SLC24A3: variants seen among roughly 807,000 people sequenced by gnomAD.
SLC24A3 encodes the protein solute carrier family 24 member 3, also known as sodium/potassium/calcium exchanger 3.
A neutral mutation model predicts 75.8 loss-of-function variants in SLC24A3; 28 were observed. The ratio of observed to expected loss-of-function variants is 0.37; its 90% CI spans 0.27 to 0.51. The LOEUF is 0.51. SLC24A3 is among the 20% of genes least tolerant of loss of function. The pLI, the probability that SLC24A3 is intolerant of heterozygous loss-of-function variation, is 0.94. For synonymous variants in SLC24A3, 372 were observed against 334.1 expected, an observed-to-expected ratio of 1.11 and a Z score of -1.24; for missense variants, 663 against 847.8, an observed-to-expected ratio of 0.78 and a Z score of 2.71.
intron 3 of SLC24A3, among the ~76,000 whole-genome samples, chr20:19,550,164 T>G (rs1008278535): frequency 6.6e-6 from 1 of 152,196 alleles, no homozygotes; most frequent in Non-Finnish European, 1.5e-5. Context: ...TAAAAAATGT[T>G]CTGAAACTTA....
intron 2 of SLC24A3, among the ~76,000 whole-genome samples, chr20:19,487,860 A>C (rs894524233): frequency 1.3e-5 from 2 of 152,238 alleles, no homozygotes; most frequent in Admixed American, 1.3e-4. Context: ...TCTTAAAATG[A>C]GGCTTCTTTA....
At chr20:19,234,994 A>C (rs1982122218) in intron 1 of SLC24A3, among the ~76,000 whole-genome samples, 1 of 151,930 alleles carries the variant, frequency 6.6e-6, no homozygotes, top group Admixed American at 6.6e-5. Flanking sequence ...TGCATTGTAA[A>C]CTCACACACA....
At chr20:19,267,447 G>C (rs139539842) in intron 1 of SLC24A3, among the ~76,000 whole-genome samples, 175 of 152,208 alleles carry the variant, frequency 1.1e-3, no homozygotes, top group African/African-American at 4.1e-3. Context: ...GACTTCAGTA[G>C]ATTAATCTTG....
intron 2 of SLC24A3, among the ~76,000 whole-genome samples, chr20:19,335,938 T>C (rs1179131647): frequency 6.6e-6 from 1 of 152,220 alleles, no homozygotes; most frequent in Non-Finnish European, 1.5e-5. Flanking sequence ...CACAGTGCCC[T>C]TTCATGTGGA....
intron 6 of SLC24A3, among the ~76,000 whole-genome samples, chr20:19,599,998 G>A (rs963304907): frequency 6.6e-6 from 1 of 152,152 alleles, no homozygotes; most frequent in Non-Finnish European, 1.5e-5. Context: ...TGTTGGCGTC[G>A]AAGTCCTTGC....
intron 1 of SLC24A3, among the ~76,000 whole-genome samples, chr20:19,274,791 C>T (rs989812698): frequency 1.3e-5 from 2 of 152,130 alleles, no homozygotes; most frequent in African/African-American, 2.4e-5. Context: ...AGAAGGCGTC[C>T]GCTGGCTGCG....
At chr20:19,279,304 C>G (rs574547290) in intron 1 of SLC24A3, among the ~76,000 whole-genome samples, 2 of 152,318 alleles carry the variant, frequency 1.3e-5, no homozygotes, top group South Asian at 2.1e-4. Context: ...GTTTTCCGCC[C>G]GCGGCAACTT....
At chr20:19,300,917 T>C (rs1429351739) in intron 2 of SLC24A3, among the ~76,000 whole-genome samples, 1 of 152,070 alleles carries the variant, frequency 6.6e-6, no homozygotes, top group African/African-American at 2.4e-5. Context: ...CCAGATGAGA[T>C]CACAGTGGTG....
chr20:19,710,835 C>T (rs914563591), intron 15 of SLC24A3, among the ~76,000 whole-genome samples: 8 of 152,234 alleles, frequency 5.3e-5, no homozygotes, highest in Non-Finnish European at 1.0e-4. Context: ...CAAAACTCAT[C>T]CAGTAGTAAG....
At position 19,443,624 on chromosome 20, in the gene SLC24A3, A is replaced by G. The variant is rs1322391586; in HGVS notation, c.272-71864A>G. Among the ~76,000 whole-genome samples the G allele has an allele frequency of 2.0e-5, 3 of 152,156 alleles. No individual in the cohort carries two copies. The East Asian group carries it at 5.8e-4, about 29-fold the overall frequency. ...ACAATTCTGAAACCTGTAAGAGGAC[A>G]GTTTCATTTCTTCTTCTCCAATCTC... On this transcript the variant is annotated intron_variant, in intron 2 of 16. Transcript: ENST00000328041.
intron 1 of SLC24A3, among the ~76,000 whole-genome samples, chr20:19,217,240 G>C (rs145411938): frequency 6.6e-6 from 1 of 152,302 alleles, no homozygotes; most frequent in Non-Finnish European, 1.5e-5. Flanking sequence ...GAAGGAGAAG[G>C]GCATAGATAC....
At position 19,702,004 on chromosome 20, in the gene SLC24A3, A is replaced by G. The variant is rs180774955; in HGVS notation, c.1719+3324A>G. ...TTTACTTTGATTAAAGGGGACAATC[A>G]TAGAAGGTGAAATCAAAAACTTTCA... On this transcript the variant is annotated intron_variant, in intron 15 of 16. Coordinates refer to ENST00000328041, the MANE Select transcript of SLC24A3 (RefSeq NM_020689.4). 4.2e-3 allele frequency among the ~76,000 whole-genome samples: 640 copies of G among 152,300 alleles called. 7 individuals are homozygous for G. The highest frequency in any genetic ancestry group is 0.014 in the African/African-American group (598 of 41,564).
chr20:19,665,805 G>A (rs549350526), intron 7 of SLC24A3, 59 bp from the exon 8 acceptor site: 1 of 1,442,170 alleles, frequency 6.9e-7, no homozygotes, highest in Non-Finnish European at 9.4e-7. Flanking sequence ...GTGTGTGTGT[G>A]TGTGTGTGTG....
rs1185846257 is a variant in SLC24A3, at chr20:19,633,476, C to T, written c.613-20586C>T. Among the ~76,000 whole-genome samples, 6 of 151,862 alleles carry T rather than the reference C, an allele frequency of 4.0e-5. No individual in the cohort carries two copies. In the South Asian group the frequency reaches 1.0e-3, roughly 26 times the overall value. On this transcript the variant is annotated intron_variant, in intron 6 of 16. Coordinates refer to ENST00000328041, the MANE Select transcript of SLC24A3 (RefSeq NM_020689.4). ...CATCCCGGCTAAACCGGTGAAACCC[C>T]GTCTCTACTAAAAATACAAAAAATT... is the stretch of plus-strand genomic sequence containing the variant.
At chr20:19,625,511 C>G (rs1276568511) in intron 6 of SLC24A3, among the ~76,000 whole-genome samples, 3 of 152,164 alleles carry the variant, frequency 2.0e-5, no homozygotes, top group Non-Finnish European at 4.4e-5. Context: ...CCAGTTATTG[C>G]CAACTCAATA....
At chr20:19,669,765 G>C (rs1369754121) in intron 8 of SLC24A3, among the ~76,000 whole-genome samples, 1 of 152,154 alleles carries the variant, frequency 6.6e-6, no homozygotes, top group Non-Finnish European at 1.5e-5. Context: ...AGCTTTTGCT[G>C]TTCTGGGATG....
intron 7 of SLC24A3, among the ~76,000 whole-genome samples, chr20:19,659,255 G>A (rs767616780): frequency 6.6e-6 from 1 of 152,222 alleles, no homozygotes; most frequent in Non-Finnish European, 1.5e-5. Flanking sequence ...GCACAGCAGC[G>A]AGGTTCCTTT....
intron 3 of SLC24A3, among the ~76,000 whole-genome samples, chr20:19,519,431 G>T (rs1040700042): frequency 6.6e-6 from 1 of 152,192 alleles, no homozygotes; most frequent in Non-Finnish European, 1.5e-5. Context: ...ATCGCAGCTT[G>T]AATGTTCCCT....
intron 12 of SLC24A3, among the ~76,000 whole-genome samples, chr20:19,690,907 A>C (rs2032737361): frequency 6.6e-6 from 1 of 152,136 alleles, no homozygotes; most frequent in African/African-American, 2.4e-5. Context: ...TGTACTTGTA[A>C]ATTGGATAGC....
Sources: allele counts gnomAD v4.1 joint callset (sites outside exome capture counted in the v4.1 genomes callset), GRCh38; gene constraint gnomAD v4.1.1; transcripts MANE v1.5; gene names NCBI Gene and HGNC (gene_info 2026-07-23, HGNC 2026-07-21).